Variants in TMEM71 observed in about 807,000 individuals in gnomAD.
TMEM71 encodes the protein transmembrane protein 71.
A neutral mutation model predicts 38.0 loss-of-function variants in TMEM71; 44 were observed. The observed-to-expected ratio is 1.16, with a 90% CI of 0.91 to 1.49. The LOEUF is 1.49. Among genes scored for constraint, TMEM71 ranks in the 40% most tolerant of loss-of-function variants. The pLI is 0.00. For missense variants in TMEM71, 367 were observed against 348.6 expected (o/e 1.05, Z -0.42); for synonymous variants, 133 against 122.5 (o/e 1.09, Z -0.56).
At chr8:132,768,099 A>C in the TMEM71 span, among the ~76,000 whole-genome samples, 56 of 152,336 alleles carry the variant, frequency 3.7e-4, no homozygotes, top group Non-Finnish European at 3.4e-4. Context: ...GTGGCCAAAC[A>C]GGCTAGATTT....
Position 132,756,770 on chromosome 8 carries a change from A to G in TMEM71, c.101+464T>C, listed in dbSNP as rs532861177. 9.2e-5 allele frequency among the ~76,000 whole-genome samples: 14 copies of G among 152,030 alleles called. No individual in the cohort carries two copies. In the South Asian group the frequency reaches 2.9e-3, roughly 32 times the overall value. On this transcript the variant is annotated intron_variant, in intron 3 of 9. Transcript: ENST00000677595. ...CCCGGCTAATTTTTGTATTTTTAGT[A>G]GAGACAAGGTTTCACCATGTTTTAC... is the stretch of plus-strand genomic sequence containing the variant.
chr8:132,721,498 G>A (rs1346098092), intron 7 of TMEM71, among the ~76,000 whole-genome samples: 2 of 150,718 alleles, frequency 1.3e-5, no homozygotes, highest in Non-Finnish European at 3.0e-5. Flanking sequence ...TTTAAGCAAC[G>A]TACACTGGGT....
intron 5 of TMEM71, among the ~76,000 whole-genome samples, chr8:132,742,966 CA>C (rs1828129449): frequency 6.6e-6 from 1 of 152,148 alleles, no homozygotes; most frequent in Non-Finnish European, 1.5e-5. Context: ...AGAGCTCGTG[CA>C]GGGAAACTTC....
intron 5 of TMEM71, among the ~76,000 whole-genome samples, chr8:132,745,813 A>C (rs1302673371): frequency 6.6e-6 from 1 of 151,920 alleles, no homozygotes; most frequent in Non-Finnish European, 1.5e-5. Context: ...TGGTACATAT[A>C]CACCATGGAA....
intron 5 of TMEM71, among the ~76,000 whole-genome samples, chr8:132,729,450 G>A (rs41449849): frequency 0.11 from 16,640 of 152,162 alleles, 1,117 homozygotes; most frequent in East Asian, 0.38. Context: ...GTAAGAATTC[G>A]TGCCAGTTTA....
chr8:132,752,168 C>T (rs1220990649), intron 3 of TMEM71, among the ~76,000 whole-genome samples, 171 bp from the exon 4 acceptor site: 1 of 152,212 alleles, frequency 6.6e-6, no homozygotes, highest in African/African-American at 2.4e-5. Flanking sequence ...ATCTCCTCAC[C>T]TATGACAGCG....
At chr8:132,722,341 A>G (rs996006803) in intron 6 of TMEM71, among the ~76,000 whole-genome samples, 7 of 152,196 alleles carry the variant, frequency 4.6e-5, no homozygotes, top group Admixed American at 6.5e-5. Context: ...TTCAATCACT[A>G]TAAAATAAAA....
Position 132,710,568 on chromosome 8 carries a change from G to A in TMEM71, c.*399C>T. On this transcript the variant is annotated 3_prime_UTR_variant, in exon 10 of 10. Transcript: ENST00000677595. ...CTCATTATTCTATTAAAGCAATTCA[G>A]CAAGAGATAGGTGCATGTGGCAGAC... The A allele has an allele frequency of 2.5e-6, 1 of 394,096 alleles. No individual in the cohort carries two copies. The highest frequency in any genetic ancestry group is 4.5e-6 in the Non-Finnish European group (1 of 223,930). 24.4% of individuals were successfully genotyped at this position (394,096 alleles called of 1,614,324 possible). A position where few individuals can be genotyped will look rare whatever the true frequency, so the allele number is the denominator to read the frequency against.
chr8:132,716,141 C>G (rs1032402858), intron 7 of TMEM71, among the ~76,000 whole-genome samples: 13 of 152,220 alleles, frequency 8.5e-5, no homozygotes, highest in Non-Finnish European at 1.0e-4. Flanking sequence ...CATCCCTGCA[C>G]TCTTGGGGGC....
At chr8:132,744,059 A>T (rs1828200354) in intron 5 of TMEM71, among the ~76,000 whole-genome samples, 2 of 152,052 alleles carry the variant, frequency 1.3e-5, no homozygotes, top group South Asian at 4.2e-4. Flanking sequence ...TCATTATGTC[A>T]TGTTTGTGTA....
At chr8:132,760,891 C>T (rs1374471585), upstream of TMEM71, among the ~76,000 whole-genome samples, 2 of 152,202 alleles carry the variant, frequency 1.3e-5, no homozygotes, top group Admixed American at 6.5e-5. Flanking sequence ...TCTTGCTCAT[C>T]ATATGGCCAC....
At chr8:132,746,666 C>T (rs1014757456) in intron 5 of TMEM71, among the ~76,000 whole-genome samples, 5 of 151,798 alleles carry the variant, frequency 3.3e-5, no homozygotes, top group African/African-American at 1.2e-4. Context: ...ATATCCCTTA[C>T]AGAAAAAATA....
intron 5 of TMEM71, among the ~76,000 whole-genome samples, chr8:132,738,099 A>T (rs1827844406): frequency 6.6e-6 from 1 of 152,202 alleles, no homozygotes; most frequent in Non-Finnish European, 1.5e-5. Flanking sequence ...AGATATTAGA[A>T]GTGTGACATT....
chr8:132,767,241 G>A, the TMEM71 span, among the ~76,000 whole-genome samples: 6 of 152,050 alleles, frequency 3.9e-5, no homozygotes, highest in Non-Finnish European at 7.4e-5. Flanking sequence ...GAGAATATGC[G>A]TTTCTTGGGG....
At chr8:132,722,509 A>T (rs1826913596) in intron 6 of TMEM71, among the ~76,000 whole-genome samples, 1 of 152,280 alleles carries the variant, frequency 6.6e-6, no homozygotes, top group Middle Eastern at 3.2e-3. Context: ...AAGAGCTTGT[A>T]TACGTTAGTT....
chr8:132,740,077 C>T (rs769017266), intron 5 of TMEM71, among the ~76,000 whole-genome samples: 18 of 152,214 alleles, frequency 1.2e-4, no homozygotes, highest in Admixed American at 1.3e-4. Flanking sequence ...TCAGAATCCT[C>T]CAGTGGTTTG....
At chr8:132,775,403 CG>C in the TMEM71 span, 1 of 381,638 alleles carries the variant, frequency 2.6e-6, no homozygotes, top group Non-Finnish European at 4.6e-6. Context: ...TGGCCGGCGG[CG>C]GAGGCGGCGG....
At chr8:132,721,381 C>T (rs1420146278) in intron 7 of TMEM71, among the ~76,000 whole-genome samples, 1 of 152,252 alleles carries the variant, frequency 6.6e-6, no homozygotes, top group Admixed American at 6.5e-5. Flanking sequence ...CCCTAAATCG[C>T]ACAGTGGGAA....
intron 4 of TMEM71, among the ~76,000 whole-genome samples, chr8:132,750,429 T>C (rs1383182054): frequency 1.3e-5 from 2 of 152,122 alleles, no homozygotes; most frequent in African/African-American, 2.4e-5. Context: ...GTATCTGCTG[T>C]TGGGGTATGT....
Sources: gnomAD v4.1 joint callset for allele counts (sites outside exome capture counted in the v4.1 genomes callset) on GRCh38, gnomAD v4.1.1 for gene constraint, MANE v1.5 for transcripts, NCBI Gene and HGNC (gene_info 2026-07-23, HGNC 2026-07-21) for gene names.